The following HECTD4 variants were observed in gnomAD, a reference collection of about 807,000 sequenced individuals.
The protein encoded by HECTD4 is HECT domain E3 ubiquitin protein ligase 4.
In HECTD4, 114 loss-of-function variants were observed where a neutral mutation model predicts 471.5. The observed-to-expected ratio is 0.24, with a 90% CI of 0.21 to 0.28. HECTD4 has a LOEUF of 0.28. Ranked by LOEUF, HECTD4 falls within the 10% of genes least tolerant of loss-of-function variation. HECTD4 has a pLI of 1.00. For synonymous variants in HECTD4, 2,012 were observed against 2,256.0 expected, an observed-to-expected ratio of 0.89 and a Z score of 3.07; for missense variants, 3,866 against 5,651.5, an observed-to-expected ratio of 0.68 and a Z score of 10.13.
intron 1 of HECTD4, among the ~76,000 whole-genome samples, chr12:112,368,180 T>C (rs2036603132): frequency 6.6e-6 from 1 of 152,190 alleles, no homozygotes; most frequent in Non-Finnish European, 1.5e-5. Flanking sequence ...CAACTGCAGG[T>C]TTTAGTAAAA....
intron 7 of HECTD4, among the ~76,000 whole-genome samples, chr12:112,298,625 G>A (rs977634756): frequency 2.6e-5 from 4 of 151,482 alleles, no homozygotes; most frequent in African/African-American, 9.7e-5. Flanking sequence ...GGTTACTCCT[G>A]TAATCCCAGC....
chr12:112,347,737 T>C (rs910971049), intron 1 of HECTD4, among the ~76,000 whole-genome samples: 1 of 152,232 alleles, frequency 6.6e-6, no homozygotes, highest in Non-Finnish European at 1.5e-5. Context: ...TGTGGTTTCC[T>C]AAAGCCAAGA....
At chr12:112,364,718 C>T (rs1005231983) in intron 1 of HECTD4, among the ~76,000 whole-genome samples, 7 of 152,046 alleles carry the variant, frequency 4.6e-5, no homozygotes, top group African/African-American at 1.4e-4. Flanking sequence ...GACAACAAAG[C>T]GAGACCCTGT....
intron 2 of HECTD4, among the ~76,000 whole-genome samples, chr12:112,317,076 A>C (rs1244027217): frequency 6.6e-6 from 1 of 152,250 alleles, no homozygotes; most frequent in African/African-American, 2.4e-5. Flanking sequence ...AACATCCTAA[A>C]TCTGTCTAAA....
intron 1 of HECTD4, among the ~76,000 whole-genome samples, chr12:112,367,955 C>G (rs1451868206): frequency 5.3e-5 from 8 of 150,200 alleles, no homozygotes; most frequent in Non-Finnish European, 1.0e-4. Flanking sequence ...ACACAAACTA[C>G]AGAGCACAAA....
At chr12:112,308,539 A>C (rs2035313689) in intron 6 of HECTD4, among the ~76,000 whole-genome samples, 1 of 151,928 alleles carries the variant, frequency 6.6e-6, no homozygotes, top group Non-Finnish European at 1.5e-5. Flanking sequence ...AGTTTGTTGT[A>C]GGCTGCAGAA....
chr12:112,265,905 A>T lies in HECTD4; in HGVS notation c.2471T>A (p.Phe824Tyr). Residue 824 changes from phenylalanine to tyrosine, a missense_variant, in exon 15 of 76, where the codon TTT becomes TAT. Phe to Tyr is a conservative substitution (Grantham distance 22). Coordinates refer to ENST00000682272, the MANE Select transcript of HECTD4 (RefSeq NM_001388303.1). ...NLAEQLQNNRFGSDEDDHYRL... is the reference protein window; with the variant it reads ...NLAEQLQNNRYGSDEDDHYRL... ...GTAATGATCATCCTCATCACTGCCA[A>T]ATCGGTTGTTTTGGAGCTGTTCAGC... The T allele has an allele frequency of 6.2e-7, 1 of 1,613,938 alleles. No homozygotes were observed. Among genetic ancestry groups the T allele is most frequent in the Non-Finnish European group, 8.5e-7 (1 of 1,179,826 alleles).
At chr12:112,253,024 C>T (rs867377709) in intron 22 of HECTD4, among the ~76,000 whole-genome samples, 26 of 151,820 alleles carry the variant, frequency 1.7e-4, no homozygotes, top group Non-Finnish European at 2.4e-4. Flanking sequence ...ATGTTGCCCA[C>T]GCTGGTCTCA....
At chr12:112,301,800 GTT>G (rs35700397) in intron 7 of HECTD4, 310 of 475,742 alleles carry the variant, frequency 6.5e-4, no homozygotes, top group East Asian at 5.9e-3. Flanking sequence ...TCAGCTAGCT[GTT>G]TTTTTTTTTA....
chr12:112,363,697 C>T (rs2036499687), intron 1 of HECTD4, among the ~76,000 whole-genome samples: 1 of 152,036 alleles, frequency 6.6e-6, no homozygotes, highest in Non-Finnish European at 1.5e-5. Context: ...AAAGGTCAGG[C>T]CAGGTACAGT....
At chr12:112,216,952 A>G in intron 46 of HECTD4, 31 bp from the exon 47 acceptor site, 1 of 1,608,848 alleles carries the variant, frequency 6.2e-7, no homozygotes, top group Non-Finnish European at 8.5e-7. Flanking sequence ...AGCAGCAATC[A>G]GAGGGCTAAT....
At chr12:112,201,001 AAC>A (rs1346991697) in intron 54 of HECTD4, 2 of 596,128 alleles carry the variant, frequency 3.4e-6, no homozygotes, top group Non-Finnish European at 6.0e-6. Flanking sequence ...ACATTTTTGA[AAC>A]ACATATTATA....
chr12:112,232,733 T>C (rs1330168483), intron 38 of HECTD4, among the ~76,000 whole-genome samples: 3 of 152,214 alleles, frequency 2.0e-5, no homozygotes, highest in African/African-American at 7.2e-5. Context: ...TTTTAGGCTA[T>C]TAAACTATTT....
intron 3 of HECTD4, among the ~76,000 whole-genome samples, chr12:112,313,899 G>A (rs765031257): frequency 9.9e-5 from 15 of 152,140 alleles, no homozygotes; most frequent in Non-Finnish European, 2.1e-4. Context: ...GACAGAGTGG[G>A]TTATGAATTA....
At position 112,289,555 on chromosome 12, in the gene HECTD4, T is replaced by C. The variant is rs535658137; in HGVS notation, c.1336-6253A>G. Among the ~76,000 whole-genome samples the C allele has an allele frequency of 2.1e-3, 317 of 152,306 alleles. 1 individual carries two copies. The highest frequency in any genetic ancestry group is 3.6e-3 in the Non-Finnish European group (243 of 68,022). Reference sequence around the variant, plus strand: ...ACATAATGGAGGAATACAGATGGTGTTCCAAGAATTTTTTTAATGTTTAGG... The same window carrying C: ...ACATAATGGAGGAATACAGATGGTGCTCCAAGAATTTTTTTAATGTTTAGG... On this transcript the variant is annotated intron_variant, in intron 7 of 75. Transcript: ENST00000682272.
At position 112,254,069 on chromosome 12, in the gene HECTD4, T is replaced by C. The variant is rs745999992; in HGVS notation, c.3421A>G (p.Thr1141Ala). The C allele has an allele frequency of 1.9e-6, 3 of 1,613,982 alleles. No homozygotes were observed. Among genetic ancestry groups the C allele is most frequent in the Non-Finnish European group, 2.5e-6 (3 of 1,179,868 alleles). The change falls in exon 22 of 76, where the codon ACT (threonine) becomes GCT (alanine). Residue 1141 changes from threonine to alanine, a missense_variant. Physicochemically the swap from Thr to Ala is moderately conservative, Grantham distance 58. Transcript: ENST00000682272. Reference protein sequence around the residue: ...LGYGSRSVLGTGWPKDLVKVE... With the variant: ...LGYGSRSVLGAGWPKDLVKVE... ...TTCACCAAGTCTTTCGGCCAACCAGTTCCTAAGACACTACGGCTGCCATAT... is the reference window on the plus strand; with the variant it reads ...TTCACCAAGTCTTTCGGCCAACCAGCTCCTAAGACACTACGGCTGCCATAT...
intron 1 of HECTD4, among the ~76,000 whole-genome samples, chr12:112,335,257 C>T (rs2035930504): frequency 6.6e-6 from 1 of 152,074 alleles, no homozygotes; most frequent in Admixed American, 6.6e-5. Flanking sequence ...GAGACTATTA[C>T]TCTAAGTGAA....
chr12:112,365,929 C>T (rs1271216253), intron 1 of HECTD4, among the ~76,000 whole-genome samples: 1 of 151,822 alleles, frequency 6.6e-6, no homozygotes, highest in Non-Finnish European at 1.5e-5. Context: ...TGTATACCAC[C>T]ACGCCCAGCT....
intron 1 of HECTD4, among the ~76,000 whole-genome samples, chr12:112,347,702 C>T (rs80230166): frequency 0.015 from 2,292 of 152,304 alleles, 68 homozygotes; most frequent in African/African-American, 0.052. Context: ...TCTATTCCAA[C>T]ATAGCTGAGA....
Sources: gnomAD v4.1 joint callset for allele counts (sites outside exome capture counted in the v4.1 genomes callset) on GRCh38, gnomAD v4.1.1 for gene constraint, MANE v1.5 for transcripts, NCBI Gene and HGNC (gene_info 2026-07-23, HGNC 2026-07-21) for gene names.